The following CCSER1 variants were observed in gnomAD, a reference collection of about 807,000 sequenced individuals.
The protein encoded by CCSER1 is coiled-coil serine rich protein 1.
CCSER1 carries 41 observed loss-of-function variants against 82.0 expected under a neutral mutation model. The ratio of observed to expected loss-of-function variants is 0.50; its 90% CI spans 0.39 to 0.65. The LOEUF is 0.65. Ranked by LOEUF, CCSER1 falls within the 30% of genes least tolerant of loss-of-function variation. The pLI is 0.00. For missense variants in CCSER1, 1,119 were observed against 1,064.2 expected, an observed-to-expected ratio of 1.05 and a Z score of -0.72; for synonymous variants, 414 against 383.9, an observed-to-expected ratio of 1.08 and a Z score of -0.92.
intron 10 of CCSER1, among the ~76,000 whole-genome samples, chr4:91,367,702 C>A (rs1749732849): frequency 6.6e-6 from 1 of 152,118 alleles, no homozygotes; most frequent in African/African-American, 2.4e-5. Flanking sequence ...CTATTCAAGA[C>A]TTTCCTCTCT....
chr4:91,446,964 G>A (rs1458687785), intron 10 of CCSER1, among the ~76,000 whole-genome samples: 4 of 152,074 alleles, frequency 2.6e-5, no homozygotes, highest in Non-Finnish European at 5.9e-5. Context: ...GTTATAGGAA[G>A]TAAATGTCTC....
chr4:91,297,385 A>ATGTGTATGTGTGTGTGTG (rs1474514455), intron 10 of CCSER1, among the ~76,000 whole-genome samples: 1 of 117,988 alleles, frequency 8.5e-6, no homozygotes, highest in Non-Finnish European at 1.9e-5. Context: ...GTGTGTGTGT[A>ATGTGTATGTGTGTGTGTG]TGTGTGTGTG....
intron 7 of CCSER1, among the ~76,000 whole-genome samples, chr4:90,748,740 G>A (rs1356004744): frequency 1.3e-5 from 2 of 149,460 alleles, no homozygotes; most frequent in South Asian, 4.3e-4. Context: ...TAACTGGTGT[G>A]AGATGGTATC....
chr4:90,871,138 G>T (rs1766446992), intron 8 of CCSER1, among the ~76,000 whole-genome samples: 1 of 148,130 alleles, frequency 6.8e-6, no homozygotes, highest in African/African-American at 2.5e-5. Flanking sequence ...TTTTCATTTT[G>T]TTGATCTTTT....
intron 4 of CCSER1, among the ~76,000 whole-genome samples, chr4:90,412,632 C>G (rs1755065570): frequency 6.6e-6 from 1 of 151,334 alleles, no homozygotes; most frequent in Admixed American, 6.6e-5. Flanking sequence ...GACACACAAG[C>G]AAAACAGAAT....
intron 10 of CCSER1, among the ~76,000 whole-genome samples, chr4:91,148,519 T>G (rs1035234603): frequency 6.6e-6 from 1 of 152,088 alleles, no homozygotes; most frequent in Non-Finnish European, 1.5e-5. Context: ...AGTTCCAGGG[T>G]TCATGTGCGC....
chr4:91,131,598 CTA>C, intron 10 of CCSER1, among the ~76,000 whole-genome samples: 1 of 152,028 alleles, frequency 6.6e-6, no homozygotes, highest in South Asian at 2.1e-4. Flanking sequence ...AAGAAAAAAT[CTA>C]TGTGTATACA....
At chr4:90,175,406 A>G (rs918253209) in intron 1 of CCSER1, among the ~76,000 whole-genome samples, 1 of 151,906 alleles carries the variant, frequency 6.6e-6, no homozygotes, top group Admixed American at 6.6e-5. Context: ...AGAATTGAGA[A>G]ACCTTTAGAG....
intron 10 of CCSER1, among the ~76,000 whole-genome samples, chr4:91,142,978 A>G (rs765070620): frequency 3.3e-5 from 5 of 151,674 alleles, no homozygotes; most frequent in African/African-American, 7.3e-5. Context: ...TTTTGGTTCT[A>G]TCTGAATTTT....
intron 6 of CCSER1, chr4:90,663,818 G>T (rs1221874863): frequency 3.2e-6 from 1 of 307,696 alleles, no homozygotes; most frequent in Non-Finnish European, 6.9e-6. Context: ...AAAATAGAGA[G>T]TAATTGTGTG....
chr4:90,437,270 T>TGC (rs1399627956), intron 4 of CCSER1, among the ~76,000 whole-genome samples: 380 of 148,670 alleles, frequency 2.6e-3, no homozygotes, highest in African/African-American at 8.7e-3. Context: ...CATGCACACA[T>TGC]GCGCGCGCAC....
At chr4:90,201,538 C>T (rs1044085487) in intron 1 of CCSER1, among the ~76,000 whole-genome samples, 2 of 148,914 alleles carry the variant, frequency 1.3e-5, no homozygotes, top group Non-Finnish European at 3.0e-5. Context: ...TTTAATATAT[C>T]TAAAATATTA....
chr4:91,152,937 C>T (rs751130930), intron 10 of CCSER1, among the ~76,000 whole-genome samples: 1 of 151,980 alleles, frequency 6.6e-6, no homozygotes, highest in African/African-American at 2.4e-5. Flanking sequence ...TCTCATTGCC[C>T]TCAACATTTT....
intron 1 of CCSER1, among the ~76,000 whole-genome samples, chr4:90,147,234 G>A (rs1229336060): frequency 2.1e-5 from 3 of 145,122 alleles, no homozygotes; most frequent in Non-Finnish European, 4.7e-5. Flanking sequence ...CAAATTTAAT[G>A]ATCTAATTTT....
intron 10 of CCSER1, among the ~76,000 whole-genome samples, chr4:91,387,843 T>C (rs1751395830): frequency 6.6e-6 from 1 of 152,090 alleles, no homozygotes. Context: ...AGCATTTAAA[T>C]TAAACTTAAA....
intron 10 of CCSER1, among the ~76,000 whole-genome samples, chr4:91,396,911 T>C (rs1190787821): frequency 1.3e-5 from 2 of 151,938 alleles, no homozygotes; most frequent in Non-Finnish European, 1.5e-5. Context: ...TGATAGGAAT[T>C]GAAAAGGACC....
chr4:90,780,678 A>C (rs913577664), intron 7 of CCSER1: 2 of 1,335,648 alleles, frequency 1.5e-6, no homozygotes, highest in Non-Finnish European at 1.9e-6. Flanking sequence ...TGAACTAAGG[A>C]GGCTCTGTAA....
chr4:91,374,343 C>T (rs576942092), intron 10 of CCSER1, among the ~76,000 whole-genome samples: 99 of 152,252 alleles, frequency 6.5e-4, no homozygotes, highest in African/African-American at 2.3e-3. Context: ...GAGGCTAACG[C>T]AGCTGGTAAC....
At chr4:90,986,474 GT>G in intron 9 of CCSER1, among the ~76,000 whole-genome samples, 1 of 151,866 alleles carries the variant, frequency 6.6e-6, no homozygotes, top group East Asian at 1.9e-4. Flanking sequence ...AAAAAATAGA[GT>G]GTATATATGA....
Sources: gnomAD v4.1 joint callset for allele counts (sites outside exome capture counted in the v4.1 genomes callset) on GRCh38, gnomAD v4.1.1 for gene constraint, MANE v1.5 for transcripts, NCBI Gene and HGNC (gene_info 2026-07-23, HGNC 2026-07-21) for gene names.